The following TGFB2 variants were observed in gnomAD, a reference collection of about 807,000 sequenced individuals.
The protein encoded by TGFB2 is transforming growth factor beta-2 proprotein.
A neutral mutation model predicts 42.7 loss-of-function variants in TGFB2; 13 were observed. The observed-to-expected ratio is 0.30, with a 90% CI of 0.20 to 0.48. The LOEUF is 0.48. Among genes scored for constraint, TGFB2 ranks in the 20% least tolerant of loss-of-function variants. The pLI is 0.99. For synonymous variants in TGFB2, 193 were observed against 193.6 expected (o/e 1.00, Z 0.03); for missense variants, 390 against 517.5 (o/e 0.75, Z 2.39).
In TGFB2 at chr1:218,441,416, G is replaced by A. The variant is rs1660148182; in HGVS notation, c.*54G>A. The stretch of plus-strand genomic sequence containing the variant: ...TGACAATGATGATGATAATGATGAT[G>A]ACGACGACAACGATGATGCTTGTAA... On this transcript the variant is annotated 3_prime_UTR_variant, in exon 7 of 7. Transcript: ENST00000366930. The A allele has an allele frequency of 6.5e-7, 1 of 1,541,658 alleles. No individual in the cohort carries two copies. The highest frequency in any genetic ancestry group is 8.7e-7 in the Non-Finnish European group (1 of 1,143,584).
In TGFB2 at chr1:218,441,386, C is replaced by G; in HGVS notation, c.*24C>G. ...AAAATTCTTGGAAAAGTGGCAAGACCAAAATGACAATGATGATGATAATGA... is the reference window on the plus strand; with the variant it reads ...AAAATTCTTGGAAAAGTGGCAAGACGAAAATGACAATGATGATGATAATGA... On this transcript the variant is annotated 3_prime_UTR_variant, in exon 7 of 7. Coordinates refer to ENST00000366930, the MANE Select transcript of TGFB2 (RefSeq NM_003238.6). The G allele has an allele frequency of 1.3e-6, 2 of 1,589,888 alleles. No homozygotes were observed. The highest frequency in any genetic ancestry group is 1.7e-6 in the Non-Finnish European group (2 of 1,171,148).
chr1:218,416,846 A>T (rs1197155527), intron 2 of TGFB2, among the ~76,000 whole-genome samples: 1 of 152,120 alleles, frequency 6.6e-6, no homozygotes, highest in Non-Finnish European at 1.5e-5. Context: ...AAGTCTCATG[A>T]GATCTGATGG....
At chr1:218,435,847 A>G in intron 4 of TGFB2, 123 bp from the exon 5 acceptor site, 1 of 957,188 alleles carries the variant, frequency 1.0e-6, no homozygotes, top group Non-Finnish European at 1.6e-6. Flanking sequence ...AACTGTTGCC[A>G]GCTGATGCTG....
chr1:218,412,765 C>T (rs1659142676), intron 2 of TGFB2, among the ~76,000 whole-genome samples: 1 of 152,146 alleles, frequency 6.6e-6, no homozygotes, highest in Non-Finnish European at 1.5e-5. Flanking sequence ...GTCTTTGATT[C>T]CTCCAGTGGG....
chr1:218,367,591 A>G (rs1279204257), intron 1 of TGFB2, among the ~76,000 whole-genome samples: 2 of 152,164 alleles, frequency 1.3e-5, no homozygotes, highest in Non-Finnish European at 2.9e-5. Context: ...TTACAGAAAT[A>G]CCCAGTTCTC....
intron 1 of TGFB2, among the ~76,000 whole-genome samples, chr1:218,357,915 G>A (rs1286613679): frequency 6.6e-6 from 1 of 152,156 alleles, no homozygotes; most frequent in Non-Finnish European, 1.5e-5. Context: ...TGTTGTTTCA[G>A]GAAGTACTGT....
At chr1:218,384,652 T>C (rs1281942325) in intron 1 of TGFB2, among the ~76,000 whole-genome samples, 1 of 152,210 alleles carries the variant, frequency 6.6e-6, no homozygotes, top group East Asian at 1.9e-4. Context: ...CCTGTACATA[T>C]TGAGAGAGGC....
At chr1:218,396,358 C>A (rs530485531) in intron 1 of TGFB2, among the ~76,000 whole-genome samples, 3 of 152,098 alleles carry the variant, frequency 2.0e-5, no homozygotes, top group African/African-American at 7.2e-5. Flanking sequence ...CGGTGGAGAG[C>A]ATGATGTAAT....
intron 2 of TGFB2, among the ~76,000 whole-genome samples, chr1:218,422,601 G>A (rs879237597): frequency 1.3e-5 from 2 of 152,082 alleles, no homozygotes; most frequent in Admixed American, 1.3e-4. Flanking sequence ...GATGTTCATA[G>A]TCATCCTTTT....
Position 218,442,525 on chromosome 1 carries a change from C to A in TGFB2, c.*1163C>A, listed in dbSNP as rs989580536. On this transcript the variant is annotated 3_prime_UTR_variant, in exon 7 of 7. Transcript: ENST00000366930. The stretch of plus-strand genomic sequence containing the variant: ...AATGATCACTCACAAATGTATGTTT[C>A]TTTTAGCTGGCCAGTACTTTTGAGT... The A allele has an allele frequency of 2.0e-5, 3 of 151,882 alleles. No homozygotes were observed. In the East Asian group the frequency reaches 5.8e-4, roughly 29 times the overall value. 9.4% of individuals were successfully genotyped at this position (151,882 alleles called of 1,614,324 possible).
At chr1:218,424,883 G>C (rs566668588) in intron 2 of TGFB2, among the ~76,000 whole-genome samples, 2 of 152,334 alleles carry the variant, frequency 1.3e-5, no homozygotes, top group South Asian at 4.1e-4. Flanking sequence ...GACAGGTTCT[G>C]TATATCTCCA....
chr1:218,427,933 A>C (rs1659679451), intron 2 of TGFB2, among the ~76,000 whole-genome samples: 1 of 152,174 alleles, frequency 6.6e-6, no homozygotes, highest in African/African-American at 2.4e-5. Context: ...TGGTTGAACT[A>C]GTTTACAGTC....
chr1:218,374,732 T>C (rs919605456), intron 1 of TGFB2, among the ~76,000 whole-genome samples: 3 of 152,212 alleles, frequency 2.0e-5, no homozygotes, highest in South Asian at 4.1e-4. Flanking sequence ...TGCCAGCCCA[T>C]GTGAAAGATG....
intron 1 of TGFB2, among the ~76,000 whole-genome samples, chr1:218,374,771 C>T (rs527418450): frequency 6.6e-6 from 1 of 152,266 alleles, no homozygotes; most frequent in East Asian, 1.9e-4. Flanking sequence ...CATTCATGTC[C>T]CCTGCTACAG....
At chr1:218,411,848 G>A (rs1230829268) in intron 2 of TGFB2, among the ~76,000 whole-genome samples, 1 of 142,274 alleles carries the variant, frequency 7.0e-6, no homozygotes, top group Non-Finnish European at 1.5e-5. Flanking sequence ...CTGGGCGACA[G>A]AGCCAAATTC....
intron 1 of TGFB2, among the ~76,000 whole-genome samples, chr1:218,379,580 T>C (rs2102564586): frequency 6.6e-6 from 1 of 151,878 alleles, no homozygotes; most frequent in South Asian, 2.1e-4. Context: ...CTAGCTTTCA[T>C]ATTTTTTCTC....
intron 2 of TGFB2, among the ~76,000 whole-genome samples, chr1:218,409,956 C>T (rs1659042774): frequency 6.6e-6 from 1 of 152,194 alleles, no homozygotes; most frequent in African/African-American, 2.4e-5. Context: ...TGTGAACTTA[C>T]ATGTGAGCAT....
chr1:218,433,449 T>G (rs1430906203), intron 2 of TGFB2, among the ~76,000 whole-genome samples: 3 of 152,232 alleles, frequency 2.0e-5, no homozygotes, highest in Non-Finnish European at 4.4e-5. Context: ...AAACTACTTC[T>G]GCTGAGATTC....
rs557294280 is a variant in TGFB2, at chr1:218,359,794, G to A, written c.346+12747G>A. ...TTGTGTGGAGAGGCTGGAGGGATTA[G>A]GGCAGGAGCTTATTTGATAGGGAGT... is the stretch of plus-strand genomic sequence containing the variant. On this transcript the variant is annotated intron_variant, in intron 1 of 6. Coordinates refer to ENST00000366930, the MANE Select transcript of TGFB2 (RefSeq NM_003238.6). 4.1e-4 allele frequency among the ~76,000 whole-genome samples: 62 copies of A among 152,304 alleles called. No homozygotes were observed. The Middle Eastern group carries it at 0.01, about 25-fold the overall frequency.
Sources: allele counts gnomAD v4.1 joint callset (sites outside exome capture counted in the v4.1 genomes callset), GRCh38; gene constraint gnomAD v4.1.1; transcripts MANE v1.5; gene names NCBI Gene and HGNC (gene_info 2026-07-23, HGNC 2026-07-21).